Variants in SGCD observed in about 807,000 individuals in gnomAD.
SGCD encodes the protein sarcoglycan delta.
In SGCD, 18 loss-of-function variants were observed where a neutral mutation model predicts 36.6. The observed-to-expected ratio is 0.49, with a 90% CI of 0.34 to 0.73. The LOEUF (loss-of-function observed/expected upper bound fraction) is 0.73. SGCD is among the 30% of genes least tolerant of loss of function. SGCD has a pLI of 0.01. For missense variants in SGCD, 387 were observed against 346.7 expected, an observed-to-expected ratio of 1.12 and a Z score of -0.92; for synonymous variants, 133 against 130.6, an observed-to-expected ratio of 1.02 and a Z score of -0.12.
chr5:156,651,459 C>T (rs1451577862), intron 7 of SGCD, among the ~76,000 whole-genome samples: 3 of 152,080 alleles, frequency 2.0e-5, no homozygotes, highest in Non-Finnish European at 4.4e-5. Flanking sequence ...TTTAATCCAT[C>T]TTTAGTTAAT....
chr5:156,028,406 C>A (rs1237011417), intron 1 of SGCD, among the ~76,000 whole-genome samples: 1 of 152,068 alleles, frequency 6.6e-6, no homozygotes, highest in Admixed American at 6.6e-5. Context: ...AAATCAGACA[C>A]CTTGAATTAG....
intron 3 of SGCD, among the ~76,000 whole-genome samples, chr5:156,419,882 A>G (rs1773221322): frequency 6.6e-6 from 1 of 152,096 alleles, no homozygotes; most frequent in Non-Finnish European, 1.5e-5. Context: ...GAGTGTGTAC[A>G]AAGCTTTGAG....
intron 3 of SGCD, among the ~76,000 whole-genome samples, chr5:156,451,090 C>CTCCCT: frequency 6.6e-6 from 1 of 151,376 alleles, no homozygotes; most frequent in South Asian, 2.1e-4. Context: ...CTCCCCTCCC[C>CTCCCT]TCCCTTCCCT....
chr5:155,957,618 A>G (rs1372378323), intron 1 of SGCD, among the ~76,000 whole-genome samples: 1 of 152,066 alleles, frequency 6.6e-6, no homozygotes, highest in African/African-American at 2.4e-5. Context: ...AAAGACAGCA[A>G]CAAGTGGGCC....
chr5:156,284,394 C>T (rs975795368), intron 3 of SGCD, among the ~76,000 whole-genome samples: 3 of 152,176 alleles, frequency 2.0e-5, no homozygotes, highest in Non-Finnish European at 4.4e-5. Context: ...GACCAATATC[C>T]CTGATGAACA....
intron 3 of SGCD, among the ~76,000 whole-genome samples, chr5:156,311,578 A>T (rs1198999245): frequency 1.5e-5 from 2 of 131,358 alleles, no homozygotes; most frequent in Non-Finnish European, 1.7e-5. Flanking sequence ...CTACTTGAAT[A>T]TGTTCTTCAG....
chr5:155,986,305 A>G (rs981840921), intron 1 of SGCD, among the ~76,000 whole-genome samples: 2 of 152,196 alleles, frequency 1.3e-5, no homozygotes, highest in African/African-American at 4.8e-5. Context: ...TTTTCAGTGC[A>G]TGTTAGCAAA....
At chr5:156,592,704 G>A (rs1196049793) in intron 5 of SGCD, among the ~76,000 whole-genome samples, 2 of 152,050 alleles carry the variant, frequency 1.3e-5, no homozygotes, top group African/African-American at 4.8e-5. Flanking sequence ...GCCCCCATTT[G>A]TTCTCCTCAT....
At chr5:155,864,789 A>G in the SGCD span, among the ~76,000 whole-genome samples, 1 of 152,244 alleles carries the variant, frequency 6.6e-6, no homozygotes, top group Non-Finnish European at 1.5e-5. Flanking sequence ...TAGAAAATAT[A>G]TGAGCTGATC....
intron 4 of SGCD, among the ~76,000 whole-genome samples, chr5:156,537,599 A>G (rs960450279): frequency 3.3e-5 from 5 of 151,636 alleles, no homozygotes; most frequent in African/African-American, 1.2e-4. Context: ...TACTTCCTCT[A>G]TCAAATCTTC....
At chr5:156,168,483 G>A (rs939147031) in intron 3 of SGCD, among the ~76,000 whole-genome samples, 2 of 152,176 alleles carry the variant, frequency 1.3e-5, no homozygotes, top group Non-Finnish European at 1.5e-5. Context: ...GCTGAGGCAG[G>A]AGGACTGCTT....
At chr5:156,145,684 C>T (rs1043829827) in intron 3 of SGCD, among the ~76,000 whole-genome samples, 1 of 152,072 alleles carries the variant, frequency 6.6e-6, no homozygotes, top group Non-Finnish European at 1.5e-5. Context: ...AGTCCAAGAA[C>T]TTCAAGAAGG....
chr5:156,620,994 AAAATG>A (rs1253393706), intron 6 of SGCD, among the ~76,000 whole-genome samples: 1 of 152,238 alleles, frequency 6.6e-6, no homozygotes, highest in African/African-American at 2.4e-5. Context: ...TCATGGTTTA[AAAATG>A]AAAGGAAGTA....
At chr5:156,453,554 GT>G (rs1166868296) in intron 3 of SGCD, among the ~76,000 whole-genome samples, 1 of 152,138 alleles carries the variant, frequency 6.6e-6, no homozygotes, top group Non-Finnish European at 1.5e-5. Context: ...ACCAGGGGTG[GT>G]TTTGCTCTCT....
the SGCD span, among the ~76,000 whole-genome samples, chr5:155,788,105 G>T: frequency 6.6e-6 from 1 of 151,982 alleles, no homozygotes; most frequent in South Asian, 2.1e-4. Context: ...AAATATATAG[G>T]TGTGACTCTT....
chr5:156,558,984 C>G (rs1284536938), intron 4 of SGCD, among the ~76,000 whole-genome samples: 1 of 151,284 alleles, frequency 6.6e-6, no homozygotes, highest in Non-Finnish European at 1.5e-5. Flanking sequence ...GAATGGATTG[C>G]CAAAGCCATT....
chr5:156,744,366 T>C (rs991661652), intron 7 of SGCD, among the ~76,000 whole-genome samples: 3 of 152,200 alleles, frequency 2.0e-5, no homozygotes, highest in Non-Finnish European at 4.4e-5. Context: ...CTCGATCACC[T>C]TGTTAGTGTG....
intron 1 of SGCD, among the ~76,000 whole-genome samples, chr5:156,096,236 C>G (rs2127595549): frequency 6.6e-6 from 1 of 152,280 alleles, no homozygotes; most frequent in East Asian, 1.9e-4. Flanking sequence ...AGGCTTAAAC[C>G]ACTAGGATGC....
In SGCD at chr5:156,138,167, G is replaced by A. The variant is rs1446595080; in HGVS notation, c.-44+14148G>A. On this transcript the variant is annotated intron_variant, in intron 3 of 9. Transcript: ENST00000517913. ...TGTAATCCCAGCACTTTGGGAGGCCGAGGTGGGCAGATCACTTGAGACAGG... is the reference window on the plus strand; with the variant it reads ...TGTAATCCCAGCACTTTGGGAGGCCAAGGTGGGCAGATCACTTGAGACAGG... Among the ~76,000 whole-genome samples, 6 of 152,142 alleles carry A rather than the reference G, an allele frequency of 3.9e-5. No homozygotes were observed. The East Asian group carries it at 7.7e-4, about 20-fold the overall frequency.
Sources: allele counts gnomAD v4.1 joint callset (sites outside exome capture counted in the v4.1 genomes callset), GRCh38; gene constraint gnomAD v4.1.1; transcripts MANE v1.5; gene names NCBI Gene and HGNC (gene_info 2026-07-23, HGNC 2026-07-21).